Variants in ACACA observed in about 807,000 individuals in gnomAD.
ACACA encodes acetyl-CoA carboxylase 1.
Under a neutral mutation model 296.1 loss-of-function variants are expected in ACACA, and 103 were observed. The observed-to-expected ratio is 0.35, with a 90% confidence interval of 0.30 to 0.41. The LOEUF (loss-of-function observed/expected upper bound fraction) is 0.41. Ranked by LOEUF, ACACA falls within the 10% of genes least tolerant of loss-of-function variation. The pLI is 1.00. For missense variants in ACACA, 1,554 were observed against 2,989.7 expected (o/e 0.52, Z 11.20); for synonymous variants, 953 against 1,038.6 (o/e 0.92, Z 1.58).
At chr17:37,125,217 T>C (rs1445231480) in intron 48 of ACACA, among the ~76,000 whole-genome samples, 1 of 144,814 alleles carries the variant, frequency 6.9e-6, no homozygotes, top group Non-Finnish European at 1.5e-5. Context: ...CTGTTTCAGG[T>C]AAACTTTTTT....
At chr17:37,381,671 A>G (rs977769388) in intron 1 of ACACA, among the ~76,000 whole-genome samples, 3 of 128,230 alleles carry the variant, frequency 2.3e-5, no homozygotes, top group East Asian at 2.3e-4. Context: ...TCCGTTGCCC[A>G]GGCTGGAGTG....
intron 10 of ACACA, among the ~76,000 whole-genome samples, chr17:37,266,427 A>G (rs967302911): frequency 1.3e-5 from 2 of 151,992 alleles, no homozygotes; most frequent in African/African-American, 4.8e-5. Context: ...AAAACAAAAA[A>G]AAAAAAGATA....
At chr17:37,382,655 A>G (rs1177114852) in intron 1 of ACACA, among the ~76,000 whole-genome samples, 1 of 152,066 alleles carries the variant, frequency 6.6e-6, no homozygotes, top group African/African-American at 2.4e-5. Context: ...AGGTCAAGAG[A>G]TCAGGACCAT....
intron 5 of ACACA, among the ~76,000 whole-genome samples, chr17:37,282,671 G>T (rs2082594364): frequency 6.6e-6 from 1 of 152,138 alleles, no homozygotes; most frequent in African/African-American, 2.4e-5. Context: ...TTATCTGTGG[G>T]TACTCTACCT....
chr17:37,363,187 T>TTTTTTC (rs2049478403), intron 1 of ACACA, among the ~76,000 whole-genome samples: 1 of 124,960 alleles, frequency 8.0e-6, no homozygotes, highest in African/African-American at 3.1e-5. Context: ...TTCTTTTTTT[T>TTTTTTC]TTTTTTTTTT....
At position 37,406,621 on chromosome 17, in the gene ACACA, C is replaced by G. The variant is rs1489643600; in HGVS notation, c.-322G>C. The G allele has an allele frequency of 3.6e-5, 19 of 528,032 alleles. No homozygotes were observed. Among genetic ancestry groups the G allele is most frequent in the South Asian group, 1.0e-4 (5 of 47,884 alleles). 32.7% of individuals were successfully genotyped at this position (528,032 alleles called of 1,614,324 possible). A position where few individuals can be genotyped will look rare whatever the true frequency, so the allele number is the denominator to read the frequency against. ...CTCCGGAGGGGACCAAACAGCCCCACGCGCCAGGAAGCCTCAGGCAACGGG... is the reference window on the plus strand; with the variant it reads ...CTCCGGAGGGGACCAAACAGCCCCAGGCGCCAGGAAGCCTCAGGCAACGGG... On this transcript the variant is annotated 5_prime_UTR_variant, in exon 1 of 56. Coordinates refer to ENST00000616317, the MANE Select transcript of ACACA (RefSeq NM_198834.3).
chr17:37,108,452 G>A (rs371348289), intron 52 of ACACA, among the ~76,000 whole-genome samples: 36 of 151,692 alleles, frequency 2.4e-4, no homozygotes, highest in African/African-American at 7.3e-4. Flanking sequence ...GCAATGGCGC[G>A]ATCTCGGCTC....
At chr17:37,244,048 C>T (rs1042986134) in intron 21 of ACACA, among the ~76,000 whole-genome samples, 1 of 152,016 alleles carries the variant, frequency 6.6e-6, no homozygotes, top group Non-Finnish European at 1.5e-5. Context: ...TCTAACATTG[C>T]CCCTATTCTC....
chr17:37,370,195 G>A (rs925922826), intron 1 of ACACA, among the ~76,000 whole-genome samples: 8 of 151,520 alleles, frequency 5.3e-5, no homozygotes, highest in African/African-American at 1.5e-4. Flanking sequence ...TAGTAGAGAC[G>A]GTGTTTCACC....
chr17:37,305,486 G>GTT (rs931084484), intron 3 of ACACA, among the ~76,000 whole-genome samples: 1 of 152,166 alleles, frequency 6.6e-6, no homozygotes, highest in African/African-American at 2.4e-5. Context: ...TTTATCCTCT[G>GTT]TTTATGGGTC....
intron 54 of ACACA, among the ~76,000 whole-genome samples, chr17:37,092,264 AGAGT>A (rs2072693074): frequency 7.0e-6 from 1 of 141,936 alleles, no homozygotes; most frequent in Non-Finnish European, 1.5e-5. Context: ...CCTGGGCAAT[AGAGT>A]GAGACAAAAA....
chr17:37,309,692 A>C (rs2084042735), intron 3 of ACACA, among the ~76,000 whole-genome samples: 1 of 152,128 alleles, frequency 6.6e-6, no homozygotes, highest in Admixed American at 6.6e-5. Context: ...GTATGATTGA[A>C]GCCCTGTCAG....
chr17:37,337,350 A>G (rs1240653423), intron 2 of ACACA, among the ~76,000 whole-genome samples: 2 of 151,442 alleles, frequency 1.3e-5, no homozygotes, highest in Non-Finnish European at 2.9e-5. Context: ...CAGGAGTTCA[A>G]GACTGCAGTA....
intron 45 of ACACA, among the ~76,000 whole-genome samples, chr17:37,130,971 T>C (rs919272805): frequency 6.6e-6 from 1 of 151,880 alleles, no homozygotes; most frequent in African/African-American, 2.4e-5. Context: ...ACAATTACTT[T>C]TGCACCAGCC....
At chr17:37,223,190 T>C (rs1306581116) in intron 28 of ACACA, among the ~76,000 whole-genome samples, 14 of 152,222 alleles carry the variant, frequency 9.2e-5, no homozygotes, top group Non-Finnish European at 7.3e-5. Flanking sequence ...TGATCAGCCA[T>C]ATATTTTCGC....
intron 54 of ACACA, among the ~76,000 whole-genome samples, chr17:37,092,127 A>G (rs2072681446): frequency 1.3e-5 from 2 of 151,896 alleles, no homozygotes; most frequent in Admixed American, 6.5e-5. Context: ...CCTCTACAAA[A>G]AAATCAGCCA....
chr17:37,133,995 C>T (rs1249756872), intron 45 of ACACA, among the ~76,000 whole-genome samples: 1 of 152,180 alleles, frequency 6.6e-6, no homozygotes, highest in African/African-American at 2.4e-5. Flanking sequence ...AAACTTAAGC[C>T]TCATCCAGTA....
intron 19 of ACACA, 52 bp downstream of exon 19, chr17:37,246,774 C>T: frequency 1.2e-6 from 2 of 1,606,428 alleles, no homozygotes; most frequent in Admixed American, 3.3e-5. Context: ...CCCAGCCGAC[C>T]CTTTTCCTAC....
intron 42 of ACACA, among the ~76,000 whole-genome samples, chr17:37,157,144 C>G (rs981080987): frequency 6.6e-6 from 1 of 152,112 alleles, no homozygotes; most frequent in Admixed American, 6.6e-5. Context: ...GGTAGACAGT[C>G]GAACTTTTAG....
Sources: gnomAD v4.1 joint callset for allele counts (sites outside exome capture counted in the v4.1 genomes callset) on GRCh38, gnomAD v4.1.1 for gene constraint, MANE v1.5 for transcripts, NCBI Gene and HGNC (gene_info 2026-07-23, HGNC 2026-07-21) for gene names.